The following RAB22A variants were observed in gnomAD, a reference collection of about 807,000 sequenced individuals.
RAB22A encodes the protein RAB22A, member RAS oncogene family, also known as ras-related protein Rab-22A.
In RAB22A, 13 loss-of-function variants were observed where a neutral mutation model predicts 30.2. That is an observed-to-expected ratio of 0.43 (90% CI 0.28 to 0.68). The LOEUF is 0.68. Ranked by LOEUF, RAB22A falls within the 30% of genes least tolerant of loss-of-function variation. The pLI, the probability that RAB22A is intolerant of heterozygous loss-of-function variation, is 0.18. For synonymous variants in RAB22A, 89 were observed against 87.2 expected (o/e 1.02, Z -0.11); for missense variants, 177 against 246.8 (o/e 0.72, Z 1.89).
At chr20:58,339,434 G>A (rs1986818627) in intron 2 of RAB22A, among the ~76,000 whole-genome samples, 1 of 152,178 alleles carries the variant, frequency 6.6e-6, no homozygotes. Context: ...CATACCCTCT[G>A]CATCATTTAA....
chr20:58,345,349 C>G (rs1171592178), intron 3 of RAB22A: 1 of 152,146 alleles, frequency 6.6e-6, no homozygotes, highest in Non-Finnish European at 1.5e-5. Flanking sequence ...CTTTCTGCCA[C>G]CATGGTAGCA....
In RAB22A at chr20:58,330,378, G is replaced by A. The variant is rs181542773; in HGVS notation, c.117-13340G>A. On this transcript the variant is annotated intron_variant, in intron 2 of 6. Transcript: ENST00000244040. ...TCTTTAAGTCTAGATTATATTTATA[G>A]TAGCTGTTTTTAACATCTGTATCTG... Among the ~76,000 whole-genome samples the A allele has an allele frequency of 2.8e-3, 426 of 152,022 alleles. 3 individuals are homozygous for A. The highest frequency in any genetic ancestry group is 5.1e-3 in the Non-Finnish European group (347 of 67,978).
At chr20:58,339,719 GT>G (rs1186029172) in intron 2 of RAB22A, among the ~76,000 whole-genome samples, 8 of 152,226 alleles carry the variant, frequency 5.3e-5, no homozygotes, top group Non-Finnish European at 1.2e-4. Context: ...GGAATTTGGG[GT>G]GATTTGTGGG....
At position 58,318,048 on chromosome 20, in the gene RAB22A, T is replaced by C. The variant is rs538749192; in HGVS notation, c.116+6926T>C. Among the ~76,000 whole-genome samples, 3 of 151,984 alleles carry C rather than the reference T, an allele frequency of 2.0e-5. No homozygotes were observed. In the South Asian group the frequency reaches 6.2e-4, roughly 32 times the overall value. Reference sequence around the variant, plus strand: ...TGCCTTGCTAATTCTTTTTATTTCTTGTAGAGATGAGGTCTCACTGCATTG... The same window carrying C: ...TGCCTTGCTAATTCTTTTTATTTCTCGTAGAGATGAGGTCTCACTGCATTG... On this transcript the variant is annotated intron_variant, in intron 2 of 6. Transcript: ENST00000244040.
At chr20:58,319,146 A>T (rs1986402977) in intron 2 of RAB22A, among the ~76,000 whole-genome samples, 1 of 151,734 alleles carries the variant, frequency 6.6e-6, no homozygotes, top group South Asian at 2.1e-4. Flanking sequence ...GACATATGGA[A>T]AAAAAAAAGA....
At chr20:58,347,111 G>C (rs1052393961) in intron 3 of RAB22A, among the ~76,000 whole-genome samples, 2 of 152,170 alleles carry the variant, frequency 1.3e-5, no homozygotes, top group African/African-American at 2.4e-5. Flanking sequence ...ATTACTCTTT[G>C]TAGTTATGAC....
intron 2 of RAB22A, among the ~76,000 whole-genome samples, chr20:58,323,345 T>A (rs1025340461): frequency 9.8e-5 from 15 of 152,306 alleles, no homozygotes; most frequent in South Asian, 4.1e-4. Context: ...CTGAATTTAT[T>A]CACTAATTTA....
chr20:58,338,392 A>G (rs1193522941), intron 2 of RAB22A, among the ~76,000 whole-genome samples: 1 of 152,180 alleles, frequency 6.6e-6, no homozygotes, highest in Admixed American at 6.5e-5. Flanking sequence ...TATGATGAAC[A>G]TGTAGAAGGT....
At chr20:58,314,356 C>T (rs1986294202) in intron 2 of RAB22A, among the ~76,000 whole-genome samples, 2 of 152,086 alleles carry the variant, frequency 1.3e-5, no homozygotes, top group Non-Finnish European at 2.9e-5. Context: ...TGAGCCACTG[C>T]GACCAGCCAG....
chr20:58,311,368 G>A (rs978453347), intron 2 of RAB22A, among the ~76,000 whole-genome samples: 1 of 152,152 alleles, frequency 6.6e-6, no homozygotes, highest in African/African-American at 2.4e-5. Context: ...CTAATTATTA[G>A]AACAGACACA....
rs1987217330 is a variant in RAB22A, at chr20:58,361,035, T to C, written c.*1332T>C. The C allele has an allele frequency of 6.6e-6, 1 of 152,566 alleles. No individual in the cohort carries two copies. 9.5% of individuals were successfully genotyped at this position (152,566 alleles called of 1,614,324 possible). Reference sequence around the variant, plus strand: ...TAGCTTATCTTTCTGTTTCCTTTATTTTTCCCCTGCCTCTGTTAGTGGTTA... The same window carrying C: ...TAGCTTATCTTTCTGTTTCCTTTATCTTTCCCCTGCCTCTGTTAGTGGTTA... On this transcript the variant is annotated 3_prime_UTR_variant, in exon 7 of 7. Transcript: ENST00000244040.
chr20:58,344,401 C>T (rs553786135), intron 3 of RAB22A, among the ~76,000 whole-genome samples: 3 of 152,264 alleles, frequency 2.0e-5, no homozygotes, highest in African/African-American at 4.8e-5. Context: ...CAGAAAGGGC[C>T]GGGAAGGCAG....
intron 2 of RAB22A, among the ~76,000 whole-genome samples, chr20:58,322,948 C>T (rs1459948051): frequency 2.0e-5 from 3 of 152,248 alleles, no homozygotes; most frequent in African/African-American, 7.2e-5. Flanking sequence ...TGTTCTTGAC[C>T]TGTTTCAATA....
At chr20:58,356,611 A>T (rs1480675914) in intron 6 of RAB22A, among the ~76,000 whole-genome samples, 1 of 152,078 alleles carries the variant, frequency 6.6e-6, no homozygotes, top group African/African-American at 2.4e-5. Context: ...GGTGCTTGGC[A>T]CTCTGGTTGG....
intron 2 of RAB22A, among the ~76,000 whole-genome samples, chr20:58,327,699 A>C (rs1986592101): frequency 6.6e-6 from 1 of 152,068 alleles, no homozygotes; most frequent in African/African-American, 2.4e-5. Flanking sequence ...AAGAGTATCC[A>C]AAAAAAAGAG....
chr20:58,320,204 A>G (rs1170428947), intron 2 of RAB22A, among the ~76,000 whole-genome samples: 1 of 152,222 alleles, frequency 6.6e-6, no homozygotes, highest in East Asian at 1.9e-4. Flanking sequence ...GAATTCACAG[A>G]TGAAACCATC....
At position 58,343,723 on chromosome 20, in the gene RAB22A, C is replaced by A; in HGVS notation, c.122C>A (p.Ser41Tyr). The A allele has an allele frequency of 6.2e-7, 1 of 1,607,890 alleles. No individual in the cohort carries two copies. Among genetic ancestry groups the A allele is most frequent in the South Asian group, 1.1e-5 (1 of 90,944 alleles). ...DPNINPTIGA[S>Y]FMTKTVQYQN... ...ATTTAGGTCTCTCTTTATAGGGCAT[C>A]TTTTATGACCAAGACTGTCCAGTAC... is the stretch of plus-strand genomic sequence containing the variant. Residue 41 changes from serine (S) to tyrosine (Y), a missense_variant, in exon 3 of 7, where the codon TCT becomes TAT. Ser to Tyr is a moderately radical substitution (Grantham distance 144, BLOSUM62 -2). Transcript: ENST00000244040.
At chr20:58,346,453 T>A (rs1443181201) in intron 3 of RAB22A, among the ~76,000 whole-genome samples, 1 of 152,220 alleles carries the variant, frequency 6.6e-6, no homozygotes, top group African/African-American at 2.4e-5. Context: ...CTGGATACGC[T>A]GTTCCTTCTC....
intron 3 of RAB22A, among the ~76,000 whole-genome samples, chr20:58,350,481 C>A (rs1369059912): frequency 6.6e-6 from 1 of 152,136 alleles, no homozygotes; most frequent in Non-Finnish European, 1.5e-5. Flanking sequence ...AACACCATAT[C>A]TAGGTAAGTC....
Sources: allele counts gnomAD v4.1 joint callset (sites outside exome capture counted in the v4.1 genomes callset), GRCh38; gene constraint gnomAD v4.1.1; transcripts MANE v1.5; gene names NCBI Gene and HGNC (gene_info 2026-07-23, HGNC 2026-07-21).